MBD5: variants seen among roughly 807,000 people sequenced by gnomAD.
The protein encoded by MBD5 is methyl-CpG binding domain protein 5, also known as methyl-CpG-binding domain protein 5.
In MBD5, 13 loss-of-function variants were observed where a neutral mutation model predicts 117.3. The ratio of observed to expected loss-of-function variants is 0.11; its 90% confidence interval spans 0.07 to 0.18. MBD5 has a LOEUF of 0.18. Ranked by LOEUF, MBD5 falls within the 10% of genes least tolerant of loss-of-function variation. The pLI, the probability that MBD5 is intolerant of heterozygous loss-of-function variation, is 1.00. For synonymous variants in MBD5, 727 were observed against 766.4 expected, an observed-to-expected ratio of 0.95 and a Z score of 0.85; for missense variants, 1,879 against 2,093.8, an observed-to-expected ratio of 0.90 and a Z score of 2.00.
chr2:148,226,875 A>C (rs1288851048), intron 2 of MBD5, among the ~76,000 whole-genome samples: 1 of 151,998 alleles, frequency 6.6e-6, no homozygotes, highest in African/African-American at 2.4e-5. Context: ...GATGGTGAGC[A>C]TTTTTTCATG....
intron 1 of MBD5, among the ~76,000 whole-genome samples, chr2:148,033,184 G>A (rs1381376109): frequency 1.3e-5 from 2 of 152,082 alleles, no homozygotes; most frequent in Non-Finnish European, 2.9e-5. Flanking sequence ...GCACATATTC[G>A]TGTCAGTTGT....
chr2:148,154,705 C>T (rs1408383527), intron 1 of MBD5, among the ~76,000 whole-genome samples: 1 of 152,268 alleles, frequency 6.6e-6, no homozygotes, highest in South Asian at 2.1e-4. Flanking sequence ...CCAGGTGTGT[C>T]CGTCACCCCT....
intron 1 of MBD5, among the ~76,000 whole-genome samples, chr2:148,038,631 C>G (rs1694265995): frequency 6.6e-6 from 1 of 151,256 alleles, no homozygotes; most frequent in African/African-American, 2.4e-5. Context: ...AATCTTCTTA[C>G]TGTGAATTAA....
intron 4 of MBD5, among the ~76,000 whole-genome samples, chr2:148,436,289 A>C (rs1260923962): frequency 6.6e-6 from 1 of 152,132 alleles, no homozygotes; most frequent in Non-Finnish European, 1.5e-5. Context: ...ATCTCAGTAA[A>C]AGTGTACAAG....
chr2:148,288,920 A>C (rs775334795), intron 3 of MBD5, among the ~76,000 whole-genome samples: 1 of 152,186 alleles, frequency 6.6e-6, no homozygotes, highest in Non-Finnish European at 1.5e-5. Context: ...AATAAATCTT[A>C]TCCTAACCTG....
chr2:148,157,671 A>T (rs1697908267), intron 1 of MBD5, among the ~76,000 whole-genome samples: 1 of 152,242 alleles, frequency 6.6e-6, no homozygotes, highest in Non-Finnish European at 1.5e-5. Flanking sequence ...TTTAAAAGGT[A>T]AAGCCTTGCC....
At chr2:148,387,250 T>C (rs1318484462) in intron 4 of MBD5, among the ~76,000 whole-genome samples, 1 of 152,060 alleles carries the variant, frequency 6.6e-6, no homozygotes, top group Admixed American at 6.6e-5. Context: ...ACAAGTATGG[T>C]TTGACATTAG....
chr2:148,055,102 A>T (rs1467026077), intron 1 of MBD5: 1 of 152,174 alleles, frequency 6.6e-6, no homozygotes, highest in Non-Finnish European at 1.5e-5. Flanking sequence ...ATGTTCTGAT[A>T]CTGATCTGCT....
intron 4 of MBD5, among the ~76,000 whole-genome samples, chr2:148,390,257 C>G (rs1704525394): frequency 6.6e-6 from 1 of 151,890 alleles, no homozygotes; most frequent in South Asian, 2.1e-4. Flanking sequence ...CTTGGTTTCT[C>G]TATTCTGTTG....
rs1224601762 is a variant in MBD5, at chr2:148,440,524, AT to A, written c.-556-17675del. Among the ~76,000 whole-genome samples the A allele has an allele frequency of 4.7e-4, 71 of 152,306 alleles. 1 individual carries two copies. Among genetic ancestry groups the A allele is most frequent in the African/African-American group, 1.6e-3 (66 of 41,572 alleles). On this transcript the variant is annotated intron_variant, in intron 4 of 13. Coordinates refer to ENST00000642680, the MANE Select transcript of MBD5 (RefSeq NM_001378120.1). ...CTGTGTGTGTATTTACCACTGGGTG[AT>A]TTTAATATATTATTAAGAAGAACTT...
At chr2:148,447,178 G>GGAAGAAAGAAAGAAAGAAA (rs1706570693) in intron 4 of MBD5, among the ~76,000 whole-genome samples, 2 of 137,650 alleles carry the variant, frequency 1.5e-5, no homozygotes, top group African/African-American at 5.9e-5. Context: ...AAAGGAAGAA[G>GGAAGAAAGAAAGAAAGAAA]GAAAGAAAGA....
chr2:148,351,122 A>G (rs1208122407), intron 4 of MBD5, among the ~76,000 whole-genome samples: 1 of 152,018 alleles, frequency 6.6e-6, no homozygotes, highest in Non-Finnish European at 1.5e-5. Flanking sequence ...TTTATATTCT[A>G]TTTAATCCAA....
At chr2:148,420,740 TTTTGTGA>T (rs1705577828) in intron 4 of MBD5, among the ~76,000 whole-genome samples, 4 of 151,110 alleles carry the variant, frequency 2.6e-5, no homozygotes, top group African/African-American at 7.4e-5. Context: ...TTTTGTTTTG[TTTTGTGA>T]CAAGGTCTCA....
At position 148,458,879 on chromosome 2, in the gene MBD5, C is replaced by T. The variant is rs886054908; in HGVS notation, c.113+8C>T. ...TGGAGTGCTTTATGTCAGGTAAGTT[C>T]TTATTATTACCTGTGGTACCTGCAA... On this transcript the variant is annotated splice_region_variant and intron_variant, in intron 5 of 13. Transcript: ENST00000642680. The T allele has an allele frequency of 6.2e-7, 1 of 1,601,946 alleles. No individual in the cohort carries two copies. Among genetic ancestry groups the T allele is most frequent in the Admixed American group, 1.7e-5 (1 of 59,910 alleles).
intron 1 of MBD5, among the ~76,000 whole-genome samples, chr2:148,144,013 T>C (rs906241180): frequency 7.2e-5 from 11 of 152,224 alleles, no homozygotes; most frequent in Non-Finnish European, 1.3e-4. Flanking sequence ...TTCTAGATCC[T>C]TGAGGAATCG....
chr2:148,308,210 TCAC>T (rs944405937), intron 3 of MBD5, among the ~76,000 whole-genome samples: 3 of 152,188 alleles, frequency 2.0e-5, no homozygotes, highest in Non-Finnish European at 4.4e-5. Context: ...CCTTGAGGAA[TCAC>T]CACACTGTTT....
chr2:148,291,165 G>C (rs116600046), intron 3 of MBD5, among the ~76,000 whole-genome samples: 1 of 152,124 alleles, frequency 6.6e-6, no homozygotes, highest in East Asian at 1.9e-4. Context: ...TTTTAAAATG[G>C]TGTGTTTGGG....
intron 2 of MBD5, among the ~76,000 whole-genome samples, chr2:148,207,839 A>G (rs1204775669): frequency 6.6e-5 from 10 of 152,370 alleles, no homozygotes; most frequent in Admixed American, 6.5e-4. Flanking sequence ...GTTCATATAG[A>G]TAACTTTTCA....
intron 1 of MBD5, among the ~76,000 whole-genome samples, chr2:148,091,053 C>G (rs1001769283): frequency 6.6e-6 from 1 of 151,984 alleles, no homozygotes. Context: ...AACTCAACTT[C>G]TTTTACAACA....
Sources: allele counts gnomAD v4.1 joint callset (sites outside exome capture counted in the v4.1 genomes callset), GRCh38; gene constraint gnomAD v4.1.1; transcripts MANE v1.5; gene names NCBI Gene and HGNC (gene_info 2026-07-23, HGNC 2026-07-21).